The following AIG1 variants were observed in gnomAD, a reference collection of about 807,000 sequenced individuals.
AIG1 encodes androgen-induced gene 1 protein.
Under a neutral mutation model 31.4 loss-of-function variants are expected in AIG1, and 23 were observed. That is an observed-to-expected ratio of 0.73 (90% CI 0.53 to 1.04). The LOEUF is 1.04. Ranked by LOEUF, AIG1 falls within the 50% of genes least tolerant of loss-of-function variation. AIG1 has a pLI of 0.00. For synonymous variants in AIG1, 100 were observed against 110.5 expected (o/e 0.90, Z 0.60); for missense variants, 274 against 295.0 (o/e 0.93, Z 0.52).
At chr6:143,239,259 T>G (rs1794042490) in intron 3 of AIG1, among the ~76,000 whole-genome samples, 1 of 152,052 alleles carries the variant, frequency 6.6e-6, no homozygotes, top group Non-Finnish European at 1.5e-5. Flanking sequence ...GCATTCAGAA[T>G]TGAAATGTAA....
At chr6:143,189,316 A>G (rs1403481758) in intron 3 of AIG1, 2 of 804,334 alleles carry the variant, frequency 2.5e-6, no homozygotes, top group African/African-American at 3.7e-5. Context: ...CCTGGCCTCA[A>G]GCGATCCTCC....
intron 4 of AIG1, among the ~76,000 whole-genome samples, chr6:143,296,792 G>GT (rs1285414427): frequency 6.6e-6 from 1 of 152,176 alleles, no homozygotes; most frequent in African/African-American, 2.4e-5. Context: ...CTTTGTACAT[G>GT]TAAGTAGACC....
rs143232732 is a variant in AIG1, at chr6:143,117,060, GGT to G, written c.142-19771_142-19770del. On this transcript the variant is annotated intron_variant, in intron 1 of 5. Transcript: ENST00000357847. ...GTCTGCCGTACAGGGTCTTTCTCAGGGTGTGCTTAAGTTATTGCTGTCAGGTG... is the reference window on the plus strand; with the variant it reads ...GTCTGCCGTACAGGGTCTTTCTCAGGGTGCTTAAGTTATTGCTGTCAGGTG... Among the ~76,000 whole-genome samples the G allele has an allele frequency of 2.9e-3, 441 of 152,126 alleles. 10 individuals carry two copies. The East Asian group carries it at 0.053, about 18-fold the overall frequency.
Position 143,339,809 on chromosome 6 carries a change from C to T in AIG1, c.*133C>T. 3 of 728,550 alleles carry T rather than the reference C, an allele frequency of 4.1e-6. No individual in the cohort carries two copies. The highest frequency in any genetic ancestry group is 2.9e-5 in the Admixed American group (1 of 34,510). The allele number at this position is 728,550 out of a possible 1,614,324, so 45.1% of individuals were successfully genotyped here. A position where few individuals can be genotyped will look rare whatever the true frequency, so the allele number is the denominator to read the frequency against. ...GCACCCCCCTCCCCCAATGAGGACA[C>T]CTTTTATATATAAATATGTATAAAC... On this transcript the variant is annotated 3_prime_UTR_variant, in exon 6 of 6. Coordinates refer to ENST00000357847, the MANE Select transcript of AIG1 (RefSeq NM_016108.4).
intron 3 of AIG1, among the ~76,000 whole-genome samples, chr6:143,202,111 C>T (rs1415801929): frequency 1.6e-4 from 24 of 152,134 alleles, no homozygotes; most frequent in Admixed American, 1.2e-3. Flanking sequence ...TCTCTTATAT[C>T]GTGTTGCCGA....
chr6:143,171,476 TA>T (rs1200009581), intron 3 of AIG1, among the ~76,000 whole-genome samples: 3 of 119,116 alleles, frequency 2.5e-5, no homozygotes, highest in African/African-American at 7.2e-5. Context: ...TTAATATATA[TA>T]ATATATATTA....
intron 2 of AIG1, among the ~76,000 whole-genome samples, chr6:143,151,224 A>G (rs1239114891): frequency 6.6e-6 from 1 of 152,220 alleles, no homozygotes; most frequent in African/African-American, 2.4e-5. Flanking sequence ...AGCCCCACAG[A>G]AAGGTATTAG....
intron 4 of AIG1, among the ~76,000 whole-genome samples, chr6:143,300,152 G>A (rs62430871): frequency 0.041 from 6,216 of 152,238 alleles, 162 homozygotes; most frequent in Middle Eastern, 0.071. Context: ...GATCTATGAG[G>A]GTTGAAGATG....
intron 4 of AIG1, among the ~76,000 whole-genome samples, chr6:143,287,958 T>C (rs947041572): frequency 2.6e-5 from 4 of 152,134 alleles, no homozygotes; most frequent in African/African-American, 9.7e-5. Flanking sequence ...TATGAAAATA[T>C]CTTTTTTTTA....
chr6:143,319,674 T>G (rs527840081), intron 4 of AIG1, among the ~76,000 whole-genome samples: 11 of 147,068 alleles, frequency 7.5e-5, no homozygotes, highest in East Asian at 1.9e-4. Flanking sequence ...AAGAGTTGGG[T>G]TTTTTTTTGA....
At position 143,243,281 on chromosome 6, in the gene AIG1, TATCTA is replaced by T. The variant is rs1794381916; in HGVS notation, c.400-40827_400-40823del. On this transcript the variant is annotated intron_variant, in intron 3 of 5. Coordinates refer to ENST00000357847, the MANE Select transcript of AIG1 (RefSeq NM_016108.4). ...GAATTATAATAAGACATTCACCACT[TATCTA>T]AAACAATTCAAGAGGACAATAAAAG... Among the ~76,000 whole-genome samples, 4 of 152,324 alleles carry T rather than the reference TATCTA, an allele frequency of 2.6e-5. No homozygotes were observed. The South Asian group carries it at 8.3e-4, about 32-fold the overall frequency.
chr6:143,259,770 A>G (rs1256736519), intron 3 of AIG1, among the ~76,000 whole-genome samples: 3 of 152,206 alleles, frequency 2.0e-5, no homozygotes, highest in African/African-American at 4.8e-5. Context: ...ATGACTCTCA[A>G]TGTTTCATAT....
Position 143,216,369 on chromosome 6 carries a change from G to A in AIG1, c.399+51186G>A, listed in dbSNP as rs9399429. 3.1e-3 allele frequency among the ~76,000 whole-genome samples: 479 copies of A among 152,298 alleles called. 10 individuals are homozygous for A. The East Asian group carries it at 0.064, about 20-fold the overall frequency. On this transcript the variant is annotated intron_variant, in intron 3 of 5. Transcript: ENST00000357847. Reference sequence around the variant, plus strand: ...GGACAGTCATCAGGTATATGGACAGGGAGGATGGAGGACAAAAGGCAAGGC... The same window carrying A: ...GGACAGTCATCAGGTATATGGACAGAGAGGATGGAGGACAAAAGGCAAGGC...
chr6:143,175,298 G>A (rs963282157), intron 3 of AIG1, among the ~76,000 whole-genome samples: 3 of 152,166 alleles, frequency 2.0e-5, no homozygotes, highest in Non-Finnish European at 4.4e-5. Context: ...TGATCTTTTT[G>A]TGATGAATTT....
intron 4 of AIG1, among the ~76,000 whole-genome samples, chr6:143,306,971 C>T (rs1372219489): frequency 6.6e-6 from 1 of 152,118 alleles, no homozygotes; most frequent in Non-Finnish European, 1.5e-5. Flanking sequence ...TCACTGATAC[C>T]CTTTCTTCCA....
chr6:143,167,240 C>G (rs1039048406), intron 3 of AIG1, among the ~76,000 whole-genome samples: 7 of 152,170 alleles, frequency 4.6e-5, no homozygotes, highest in African/African-American at 1.7e-4. Flanking sequence ...GGAGCAGGCT[C>G]TGGCCAAAAG....
At chr6:143,061,482 C>T in intron 1 of AIG1, 1 of 349,294 alleles carries the variant, frequency 2.9e-6, no homozygotes, top group Non-Finnish European at 5.7e-6. Context: ...GTGGGATGAA[C>T]TTGTTGCAAC....
At chr6:143,311,640 G>A (rs1426476940) in intron 4 of AIG1, among the ~76,000 whole-genome samples, 1 of 151,692 alleles carries the variant, frequency 6.6e-6, no homozygotes, top group Non-Finnish European at 1.5e-5. Context: ...AAACCTCTCA[G>A]AAGACTATAA....
chr6:143,342,205 G>A (rs1777871228), downstream of AIG1: 2 of 652,140 alleles, frequency 3.1e-6, no homozygotes, highest in Admixed American at 2.1e-5. Context: ...TTACAGGCGT[G>A]AGCCATTGCG....
Sources: gnomAD v4.1 joint callset for allele counts (sites outside exome capture counted in the v4.1 genomes callset) on GRCh38, gnomAD v4.1.1 for gene constraint, MANE v1.5 for transcripts, NCBI Gene and HGNC (gene_info 2026-07-23, HGNC 2026-07-21) for gene names.